Variants in STK38L observed in about 807,000 individuals in gnomAD.
STK38L encodes serine/threonine-protein kinase 38-like.
In STK38L, 28 loss-of-function variants were observed where a neutral mutation model predicts 59.7. That is an observed-to-expected ratio of 0.47 (90% confidence interval 0.35 to 0.64). The LOEUF is 0.64. Among genes scored for constraint, STK38L ranks in the 30% least tolerant of loss-of-function variants. The pLI is 0.01. For missense variants in STK38L, 314 were observed against 555.8 expected (o/e 0.56, Z 4.37); for synonymous variants, 162 against 176.8 (o/e 0.92, Z 0.66).
chr12:27,308,348 C>T lies in STK38L; in HGVS notation c.196C>T (p.Arg66Cys). 1.9e-6 allele frequency: 3 copies of T among 1,550,910 alleles called. No individual in the cohort carries two copies. Among genetic ancestry groups the T allele is most frequent in the African/African-American group, 1.4e-5 (1 of 72,054 alleles). The change falls in exon 4 of 14, where the codon CGT becomes TGT. Residue 66 changes from arginine (R) to cysteine (C), a missense_variant. Transcript: ENST00000389032. This position sits in a 1 kb window ranked among gnomAD's most constrained non-coding sequence, Gnocchi z 4.5. ...TGTTTTTTTTTAATAGAAAAAGTTA[C>T]GTCGATCACAACACGCTCGCAAAGA... is the stretch of plus-strand genomic sequence containing the variant. ...EGLADEEKKL[R>C]RSQHARKETE...
At position 27,308,707 on chromosome 12, in the gene STK38L, T is replaced by A. The variant is rs1234298106; in HGVS notation, c.309+246T>A. The stretch of plus-strand genomic sequence containing the variant: ...GGTGGTGGGCACCTGTAATCCCAGC[T>A]ACTTGGGAGGCTGAGGCAGGAGAAT... On this transcript the variant is annotated intron_variant, in intron 4 of 13. Coordinates refer to ENST00000389032, the MANE Select transcript of STK38L (RefSeq NM_015000.4). The surrounding 1 kb of genome is among the most constrained non-coding windows in gnomAD (Gnocchi z 4.5). 6.6e-6 allele frequency among the ~76,000 whole-genome samples: 1 copy of A among 151,442 alleles called. No individual in the cohort carries two copies. Among genetic ancestry groups the A allele is most frequent in the Non-Finnish European group, 1.5e-5 (1 of 67,822 alleles).
chr12:27,280,874 T>G (rs1234157279), intron 1 of STK38L, among the ~76,000 whole-genome samples: 2 of 152,214 alleles, frequency 1.3e-5, no homozygotes, highest in East Asian at 3.8e-4. Flanking sequence ...GCAGTTTGAA[T>G]CAGGCACAGC....
intron 1 of STK38L, among the ~76,000 whole-genome samples, chr12:27,247,948 C>T (rs1942891395): frequency 6.6e-6 from 1 of 151,318 alleles, no homozygotes; most frequent in Admixed American, 6.6e-5. Context: ...CTGAGTAGCT[C>T]GGACTACAGG....
chr12:27,284,777 A>G (rs1426406141), intron 1 of STK38L, among the ~76,000 whole-genome samples: 2 of 152,214 alleles, frequency 1.3e-5, no homozygotes, highest in African/African-American at 2.4e-5. Flanking sequence ...TTCATTGCTT[A>G]GGTAGTAAGC....
At chr12:27,317,782 G>T (rs1944622386) in intron 10 of STK38L, 114 bp from the exon 11 acceptor site, 11 of 1,300,618 alleles carry the variant, frequency 8.5e-6, no homozygotes, top group South Asian at 4.4e-5. Flanking sequence ...TGGCATTTTT[G>T]ACTGTTAAAT....
rs1274012871 is a variant in STK38L, at chr12:27,323,835, A to G, written c.*1380A>G. Reference sequence around the variant, plus strand: ...AGCTTAATATTTTAATTCTAATTCAAACAACTCTGAGGTTTTGGTTTCATT... The same window carrying G: ...AGCTTAATATTTTAATTCTAATTCAGACAACTCTGAGGTTTTGGTTTCATT... On this transcript the variant is annotated 3_prime_UTR_variant, in exon 14 of 14. Coordinates refer to ENST00000389032, the MANE Select transcript of STK38L (RefSeq NM_015000.4). The G allele has an allele frequency of 1.3e-5, 2 of 152,124 alleles. No individual in the cohort carries two copies. Among genetic ancestry groups the G allele is most frequent in the Non-Finnish European group, 2.9e-5 (2 of 67,966 alleles). 9.4% of individuals were successfully genotyped at this position (152,124 alleles called of 1,614,324 possible).
intron 2 of STK38L, 58 bp from the exon 3 acceptor site, chr12:27,302,079 C>A: frequency 7.4e-7 from 1 of 1,358,310 alleles, no homozygotes; most frequent in East Asian, 2.4e-5. Flanking sequence ...ATGTATATTT[C>A]TTAAGTGGAA....
intron 8 of STK38L, 44 bp downstream of exon 8, chr12:27,315,161 C>T (rs1196345752): frequency 1.9e-6 from 3 of 1,581,370 alleles, no homozygotes; most frequent in Middle Eastern, 3.3e-4. Context: ...GGTTAAGATA[C>T]TGTAGAGAAC....
chr12:27,268,839 T>C (rs1248868882), intron 1 of STK38L, among the ~76,000 whole-genome samples: 1 of 152,180 alleles, frequency 6.6e-6, no homozygotes, highest in Admixed American at 6.5e-5. Context: ...TATCTCATTG[T>C]GGTTTTGATT....
intron 1 of STK38L, among the ~76,000 whole-genome samples, chr12:27,262,703 T>C (rs896771558): frequency 6.3e-5 from 4 of 63,794 alleles, no homozygotes; most frequent in Admixed American, 4.4e-4. Context: ...GGACTCTATC[T>C]CTAATTAAAA....
intron 1 of STK38L, among the ~76,000 whole-genome samples, chr12:27,276,186 C>CA (rs1400271785): frequency 6.6e-6 from 1 of 152,178 alleles, no homozygotes; most frequent in Non-Finnish European, 1.5e-5. Context: ...AAACAGTTCT[C>CA]AAACCATGAC....
At chr12:27,317,617 C>T (rs1944617539) in intron 10 of STK38L, 164 bp downstream of exon 10, 5 of 712,574 alleles carry the variant, frequency 7.0e-6, no homozygotes, top group Non-Finnish European at 1.1e-5. Context: ...AGTGAGCTCC[C>T]CACGGATCCT....
chr12:27,290,508 T>C (rs1943873572), intron 1 of STK38L, among the ~76,000 whole-genome samples: 1 of 152,220 alleles, frequency 6.6e-6, no homozygotes, highest in Non-Finnish European at 1.5e-5. Context: ...ATACTTTCTG[T>C]CCTTACTGAT....
chr12:27,270,892 A>C (rs1943409351), intron 1 of STK38L, among the ~76,000 whole-genome samples: 1 of 152,194 alleles, frequency 6.6e-6, no homozygotes, highest in African/African-American at 2.4e-5. Context: ...ACTATCTATG[A>C]ATTACTTCCT....
At chr12:27,271,845 G>A (rs912084381) in intron 1 of STK38L, among the ~76,000 whole-genome samples, 8 of 152,002 alleles carry the variant, frequency 5.3e-5, no homozygotes, top group African/African-American at 1.7e-4. Flanking sequence ...GACTACAGGC[G>A]CACACCACCG....
intron 1 of STK38L, among the ~76,000 whole-genome samples, chr12:27,246,611 A>G (rs1447277524): frequency 6.6e-6 from 1 of 152,218 alleles, no homozygotes; most frequent in East Asian, 1.9e-4. Context: ...GCAAGCTTTT[A>G]AGACATAACT....
intron 1 of STK38L, among the ~76,000 whole-genome samples, chr12:27,248,943 A>G (rs1350941970): frequency 6.6e-6 from 1 of 152,204 alleles, no homozygotes; most frequent in Non-Finnish European, 1.5e-5. Flanking sequence ...TTAGCCCATC[A>G]TTTCATGGAG....
At chr12:27,300,804 A>T (rs1944150360) in intron 2 of STK38L, among the ~76,000 whole-genome samples, 1 of 152,258 alleles carries the variant, frequency 6.6e-6, no homozygotes, top group African/African-American at 2.4e-5. Flanking sequence ...TGATGTATCA[A>T]CAGGCTTTAA....
rs76592358 is a variant in STK38L at position 27,296,610 on chromosome 12, G to A, written c.-11-1100G>A. ...TGTTGTGGCATAGGTGGCAGGTTTG[G>A]GGAACACTTTTCAACTAAGAATGCT... On this transcript the variant is annotated intron_variant, in intron 1 of 13. Coordinates refer to ENST00000389032, the MANE Select transcript of STK38L (RefSeq NM_015000.4). Among the ~76,000 whole-genome samples the A allele has an allele frequency of 8.0e-3, 1,212 of 152,258 alleles. 13 individuals are homozygous for A. The highest frequency in any genetic ancestry group is 0.028 in the African/African-American group (1,153 of 41,554).
Sources: allele counts gnomAD v4.1 joint callset (sites outside exome capture counted in the v4.1 genomes callset), GRCh38; gene constraint gnomAD v4.1.1; non-coding constraint Gnocchi (gnomAD v3.1); transcripts MANE v1.5; gene names NCBI Gene and HGNC (gene_info 2026-07-23, HGNC 2026-07-21).